The following SLC28A1 variants were observed in gnomAD, a reference collection of about 807,000 sequenced individuals.
SLC28A1 encodes sodium/nucleoside cotransporter 1.
SLC28A1 carries 64 observed loss-of-function variants against 74.8 expected under a neutral mutation model. The observed-to-expected ratio is 0.86, with a 90% CI of 0.70 to 1.05. The LOEUF (loss-of-function observed/expected upper bound fraction) is 1.05, where lower values mean the gene tolerates loss of function less well. Among genes scored for constraint, SLC28A1 ranks in the 50% least tolerant of loss-of-function variants. The probability of loss-of-function intolerance (pLI) is 0.00; values close to 1 mark genes in which losing one functional copy is unlikely to be tolerated. For missense variants in SLC28A1, 828 were observed against 822.8 expected (o/e 1.01, Z -0.08); for synonymous variants, 359 against 335.0 (o/e 1.07, Z -0.78).
chr15:84,913,577 T>G (rs1265935286), intron 9 of SLC28A1, among the ~76,000 whole-genome samples: 1 of 152,168 alleles, frequency 6.6e-6, no homozygotes, highest in African/African-American at 2.4e-5. Flanking sequence ...CCAAAATATT[T>G]TTAGCAAATT....
chr15:84,904,399 TGAA>T (rs892685813), intron 7 of SLC28A1, among the ~76,000 whole-genome samples, 161 bp downstream of exon 7: 8 of 152,142 alleles, frequency 5.3e-5, no homozygotes, highest in Non-Finnish European at 8.8e-5. Context: ...AGGCTTCCTG[TGAA>T]GAAGAAGTCT....
At chr15:84,943,558 GGA>G (rs1972961436) in intron 16 of SLC28A1, 32 bp downstream of exon 16, 1 of 1,512,480 alleles carries the variant, frequency 6.6e-7, no homozygotes, top group Non-Finnish European at 9.2e-7. Context: ...CCAGTGTCTA[GGA>G]GAGTCTGGGA....
chr15:84,937,362 C>T (rs760014615), intron 15 of SLC28A1, among the ~76,000 whole-genome samples: 6 of 152,152 alleles, frequency 3.9e-5, no homozygotes, highest in East Asian at 1.9e-4. Context: ...TGAGTCTTCA[C>T]GTGGCTGCAG....
the SLC28A1 span, among the ~76,000 whole-genome samples, chr15:84,958,521 G>T: frequency 6.6e-6 from 1 of 152,090 alleles, no homozygotes; most frequent in East Asian, 1.9e-4. Context: ...TATAATCTAG[G>T]TTTGGAAATC....
At chr15:84,933,016 C>A in intron 12 of SLC28A1, 129 bp from the exon 13 acceptor site, 1 of 845,204 alleles carries the variant, frequency 1.2e-6, no homozygotes, top group Non-Finnish European at 2.0e-6. Flanking sequence ...GTGATGACAG[C>A]AGTTATGACA....
At chr15:84,929,013 T>G (rs1970972044) in intron 12 of SLC28A1, among the ~76,000 whole-genome samples, 1 of 152,114 alleles carries the variant, frequency 6.6e-6, no homozygotes, top group South Asian at 2.1e-4. Context: ...TCTGGATATT[T>G]CTAGATCTCC....
At chr15:84,918,678 C>G (rs1969433788) in intron 10 of SLC28A1, 74 bp downstream of exon 10, 1 of 1,173,914 alleles carries the variant, frequency 8.5e-7, no homozygotes, top group East Asian at 2.3e-5. Context: ...TCCCAGAATG[C>G]CTTGCTCCCA....
intron 8 of SLC28A1, among the ~76,000 whole-genome samples, chr15:84,908,373 G>A (rs1021433579): frequency 2.6e-5 from 4 of 151,650 alleles, no homozygotes; most frequent in Non-Finnish European, 5.9e-5. Context: ...TAGCAGATAT[G>A]GGGTTTCACC....
At position 84,906,573 on chromosome 15, in the gene SLC28A1, T is replaced by TCTTTCTCTTG. The variant is rs1967246980; in HGVS notation, c.717+924_717+925insTCTCTTGCTT. On this transcript the variant is annotated intron_variant, in intron 8 of 18. Coordinates refer to ENST00000394573, the MANE Select transcript of SLC28A1 (RefSeq NM_004213.5). Reference sequence around the variant, plus strand: ...CTTTCTTTCTTTCTTTCTCTTTCTTTCTTCCTTCCTTCCTTCCTTCCTTCC... The same window carrying TCTTTCTCTTG: ...CTTTCTTTCTTTCTTTCTCTTTCTTTCTTTCTCTTGCTTCCTTCCTTCCTTCCTTCCTTCC... Among the ~76,000 whole-genome samples, 69 of 98,050 alleles carry TCTTTCTCTTG rather than the reference T, an allele frequency of 7.0e-4. 1 individual carries two copies. Among genetic ancestry groups the TCTTTCTCTTG allele is most frequent in the Middle Eastern group, 5.1e-3 (1 of 198 alleles). 64.3% of individuals were successfully genotyped at this position (98,050 alleles called of 152,430 possible).
At position 84,935,411 on chromosome 15, in the gene SLC28A1, A is replaced by G. The variant is rs1596345071; in HGVS notation, c.1474A>G (p.Lys492Glu). The G allele has an allele frequency of 6.2e-7, 1 of 1,614,204 alleles. No homozygotes were observed. Among genetic ancestry groups the G allele is most frequent in the Middle Eastern group, 1.6e-4 (1 of 6,062 alleles). Reference protein sequence around the residue: ...CPVVAELLGIKLFLNEFVAYQ... With the variant: ...CPVVAELLGIELFLNEFVAYQ... ...AGTGGTAGCTGAGCTGCTGGGGATC[A>G]AGCTGTTTCTGAACGAGTTTGTGGC... Residue 492 changes from lysine (K) to glutamate (E), a missense_variant, in exon 15 of 19, where the codon AAG becomes GAG. Physicochemically the swap from Lys to Glu is moderately conservative, Grantham distance 56 (BLOSUM62 1). Coordinates refer to ENST00000394573, the MANE Select transcript of SLC28A1 (RefSeq NM_004213.5).
chr15:84,895,752 G>T (rs868762041), intron 6 of SLC28A1: 2 of 1,191,218 alleles, frequency 1.7e-6, no homozygotes, highest in South Asian at 2.3e-5. Context: ...AAGAAAATTC[G>T]CTGGGGGAAA....
rs754985427 is a variant in SLC28A1 at position 84,935,177 on chromosome 15, C to G, written c.1366C>G (p.Gln456Glu). Residue 456 changes from glutamine to glutamate, a missense_variant, in exon 14 of 19, where the codon CAA (glutamine) becomes GAA (glutamate). Physicochemically the swap from Gln to Glu is conservative, Grantham distance 29. Transcript: ENST00000394573. The stretch of plus-strand genomic sequence containing the variant: ...CTGGCTGGGAGACATGGTGGACATC[C>G]AAGGGCTCAGCTTCCAGGTGCGTTT... ...LSWLGDMVDI[Q>E]GLSFQLICSY... is the part of the protein sequence containing the mutation. The G allele has an allele frequency of 1.9e-6, 3 of 1,613,966 alleles. No homozygotes were observed. Among genetic ancestry groups the G allele is most frequent in the Non-Finnish European group, 1.7e-6 (2 of 1,179,870 alleles).
intron 15 of SLC28A1, among the ~76,000 whole-genome samples, chr15:84,937,413 A>C (rs1208718465): frequency 6.6e-6 from 1 of 152,218 alleles, no homozygotes; most frequent in Non-Finnish European, 1.5e-5. Context: ...GCGAGCATTT[A>C]TTTCGCCACA....
chr15:84,906,964 G>A (rs4468584), intron 8 of SLC28A1, among the ~76,000 whole-genome samples: 89,083 of 151,954 alleles, frequency 0.59, 26,240 homozygotes, highest in South Asian at 0.69. Flanking sequence ...AAATAGAGTG[G>A]GTGTTCCGAT....
intron 12 of SLC28A1, among the ~76,000 whole-genome samples, chr15:84,927,567 T>G (rs1000204146): frequency 1.3e-5 from 2 of 152,164 alleles, no homozygotes; most frequent in Non-Finnish European, 2.9e-5. Flanking sequence ...TGACCTACAC[T>G]CAAACAAAGT....
the SLC28A1 span, among the ~76,000 whole-genome samples, chr15:84,973,001 T>C: frequency 6.6e-6 from 1 of 152,200 alleles, no homozygotes; most frequent in Non-Finnish European, 1.5e-5. Flanking sequence ...TGCTTGAGTG[T>C]GGACTCGTAT....
downstream of SLC28A1, among the ~76,000 whole-genome samples, chr15:84,947,259 T>C (rs1035378536): frequency 3.9e-5 from 6 of 152,186 alleles, no homozygotes; most frequent in Non-Finnish European, 5.9e-5. Context: ...TGCTACCTGC[T>C]CCAGCTGCCC....
intron 12 of SLC28A1, chr15:84,926,513 TA>T (rs1386577047): frequency 2.2e-6 from 1 of 455,048 alleles, no homozygotes; most frequent in Non-Finnish European, 4.4e-6. Context: ...TCAATCACTT[TA>T]AAAATATTCT....
At chr15:84,916,062 A>G (rs1969044572) in intron 9 of SLC28A1, among the ~76,000 whole-genome samples, 1 of 151,674 alleles carries the variant, frequency 6.6e-6, no homozygotes, top group African/African-American at 2.4e-5. Context: ...TCCCGGGTTC[A>G]AGCGATTCTC....
Sources: gnomAD v4.1 joint callset for allele counts (sites outside exome capture counted in the v4.1 genomes callset) on GRCh38, gnomAD v4.1.1 for gene constraint, MANE v1.5 for transcripts, NCBI Gene and HGNC (gene_info 2026-07-23, HGNC 2026-07-21) for gene names.